The following MARCHF11 variants were observed in gnomAD, a reference collection of about 807,000 sequenced individuals.
The protein encoded by MARCHF11 is membrane associated ring-CH-type finger 11, also known as E3 ubiquitin-protein ligase MARCHF11.
A neutral mutation model predicts 37.3 loss-of-function variants in MARCHF11; 29 were observed. The ratio of observed to expected loss-of-function variants is 0.78; its 90% confidence interval spans 0.58 to 1.06. The LOEUF is 1.06. Among genes scored for constraint, MARCHF11 ranks in the 50% least tolerant of loss-of-function variants. The pLI, the probability that MARCHF11 is intolerant of heterozygous loss-of-function variation, is 0.00. For missense variants in MARCHF11, 482 were observed against 533.4 expected, an observed-to-expected ratio of 0.90 and a Z score of 0.95; for synonymous variants, 233 against 228.0, an observed-to-expected ratio of 1.02 and a Z score of -0.20.
intron 3 of MARCHF11, among the ~76,000 whole-genome samples, chr5:16,070,989 C>G (rs1440080277): frequency 6.6e-6 from 1 of 152,046 alleles, no homozygotes; most frequent in African/African-American, 2.4e-5. Flanking sequence ...ACGGCGAACA[C>G]CTTTTGTGCT....
intron 2 of MARCHF11, among the ~76,000 whole-genome samples, chr5:16,105,480 A>G (rs928844724): frequency 6.6e-6 from 1 of 152,190 alleles, no homozygotes; most frequent in Non-Finnish European, 1.5e-5. Context: ...CACTAAAGAG[A>G]TCTTCCCCTT....
At chr5:16,137,942 C>A (rs1295229101) in intron 2 of MARCHF11, among the ~76,000 whole-genome samples, 1 of 152,162 alleles carries the variant, frequency 6.6e-6, no homozygotes, top group Non-Finnish European at 1.5e-5. Flanking sequence ...CAGTTTTCTT[C>A]TTTCACGAAG....
chr5:16,145,534 A>G (rs1737782927), intron 2 of MARCHF11, among the ~76,000 whole-genome samples: 1 of 152,148 alleles, frequency 6.6e-6, no homozygotes, highest in Non-Finnish European at 1.5e-5. Flanking sequence ...CCTCCAGTTT[A>G]TGGTATTTTA....
At chr5:16,087,934 C>T (rs1736726274) in intron 3 of MARCHF11, among the ~76,000 whole-genome samples, 1 of 152,168 alleles carries the variant, frequency 6.6e-6, no homozygotes, top group African/African-American at 2.4e-5. Context: ...TAATCTTCTA[C>T]AGATTTTCAG....
intron 3 of MARCHF11, among the ~76,000 whole-genome samples, chr5:16,090,027 C>T (rs955866318): frequency 1.3e-5 from 2 of 152,146 alleles, no homozygotes; most frequent in Non-Finnish European, 2.9e-5. Flanking sequence ...GGCTGTAAAA[C>T]CCAGATGGCT....
chr5:16,153,983 A>T (rs113604515), intron 2 of MARCHF11, among the ~76,000 whole-genome samples: 3,721 of 151,996 alleles, frequency 0.024, 115 homozygotes, highest in African/African-American at 0.064. Flanking sequence ...AGACAGATAA[A>T]CTTAGGAATG....
At chr5:16,176,730 G>A (rs572323342) in intron 2 of MARCHF11, among the ~76,000 whole-genome samples, 32 of 152,232 alleles carry the variant, frequency 2.1e-4, no homozygotes, top group African/African-American at 7.0e-4. Flanking sequence ...TGCAAACACT[G>A]GTAGTTCCAC....
chr5:16,106,290 T>A (rs921204284), intron 2 of MARCHF11, among the ~76,000 whole-genome samples: 5 of 152,006 alleles, frequency 3.3e-5, no homozygotes, highest in African/African-American at 4.8e-5. Flanking sequence ...CCCAGAGGGG[T>A]CATTTGAAAA....
chr5:16,126,208 A>G (rs996602974), intron 2 of MARCHF11, among the ~76,000 whole-genome samples: 2 of 152,176 alleles, frequency 1.3e-5, no homozygotes, highest in African/African-American at 4.8e-5. Flanking sequence ...AAATGGTTTT[A>G]AGCTGGGGTA....
intron 2 of MARCHF11, among the ~76,000 whole-genome samples, chr5:16,101,387 G>A (rs1052108412): frequency 1.3e-5 from 2 of 152,170 alleles, no homozygotes; most frequent in African/African-American, 4.8e-5. Flanking sequence ...AAAAAAAAAT[G>A]CATTTTAGCT....
At chr5:16,161,086 G>T (rs1373803601) in intron 2 of MARCHF11, among the ~76,000 whole-genome samples, 1 of 151,848 alleles carries the variant, frequency 6.6e-6, no homozygotes, top group Non-Finnish European at 1.5e-5. Flanking sequence ...TACACAACGT[G>T]CAGGTTTGTT....
intron 2 of MARCHF11, among the ~76,000 whole-genome samples, chr5:16,173,349 G>A (rs1005232901): frequency 1.3e-5 from 2 of 152,156 alleles, no homozygotes; most frequent in African/African-American, 4.8e-5. Context: ...CCACCTGACA[G>A]GGGCTGTTCT....
At chr5:16,068,943 A>G (rs1179729782) in intron 3 of MARCHF11, among the ~76,000 whole-genome samples, 1 of 152,232 alleles carries the variant, frequency 6.6e-6, no homozygotes, top group Non-Finnish European at 1.5e-5. Context: ...AAATTTAAAA[A>G]TGAGCAGATC....
intron 3 of MARCHF11, among the ~76,000 whole-genome samples, chr5:16,075,977 T>G (rs931822766): frequency 1.3e-5 from 2 of 152,230 alleles, no homozygotes; most frequent in African/African-American, 2.4e-5. Context: ...AATGTTTGCC[T>G]GTATCAATCA....
rs917506267 is a variant in MARCHF11, at chr5:16,179,369, T to A, written c.207A>T (p.Leu69=). The part of the protein sequence containing the change: ...PERAAGPSEP[L]GEVAPRCRGA... ...CCCTGCACCGCGGGGCCACCTCCCC[T>A]AGCGGCTCGCTTGGCCCCGCGGCGC... Residue 69 remains leucine, a synonymous_variant, in exon 1 of 4, where the codon CTA becomes CTT. Transcript: ENST00000332432. 202 of 1,160,190 alleles carry A rather than the reference T, an allele frequency of 1.7e-4. No individual in the cohort carries two copies. Among genetic ancestry groups the A allele is most frequent in the Non-Finnish European group, 2.0e-4 (193 of 943,856 alleles). The allele number at this position is 1,160,190 out of a possible 1,614,324, so 71.9% of individuals were successfully genotyped here. A position where few individuals can be genotyped will look rare whatever the true frequency, so the allele number is the denominator to read the frequency against.
chr5:16,088,224 G>T (rs1056589282), intron 3 of MARCHF11, among the ~76,000 whole-genome samples: 2 of 152,134 alleles, frequency 1.3e-5, no homozygotes. Context: ...ATCCCTCCTG[G>T]TGTTCAACTA....
At chr5:16,141,250 T>G (rs1737702704) in intron 2 of MARCHF11, 1 of 152,120 alleles carries the variant, frequency 6.6e-6, no homozygotes, top group Admixed American at 6.6e-5. Context: ...TTACTCAGGG[T>G]GCGAATATTT....
rs115123517 is a variant in MARCHF11, at chr5:16,148,968, C to T, written c.693+28758G>A. Among the ~76,000 whole-genome samples the T allele has an allele frequency of 4.6e-3, 705 of 152,208 alleles. 6 individuals are homozygous for T. Among genetic ancestry groups the T allele is most frequent in the African/African-American group, 0.016 (661 of 41,542 alleles). ...TTTCATTTGATATTATAGTAGATGG[C>T]TTCTCTGAGGTGACTGGATTTAGAG... On this transcript the variant is annotated intron_variant, in intron 2 of 3. Coordinates refer to ENST00000332432, the MANE Select transcript of MARCHF11 (RefSeq NM_001102562.3).
chr5:16,151,833 G>A (rs1436303676), intron 2 of MARCHF11, among the ~76,000 whole-genome samples: 4 of 151,796 alleles, frequency 2.6e-5, no homozygotes, highest in Admixed American at 2.6e-4. Flanking sequence ...TTAAGCAAAG[G>A]AATGCAAATA....
Sources: gnomAD v4.1 joint callset for allele counts (sites outside exome capture counted in the v4.1 genomes callset) on GRCh38, gnomAD v4.1.1 for gene constraint, MANE v1.5 for transcripts, NCBI Gene and HGNC (gene_info 2026-07-23, HGNC 2026-07-21) for gene names.